The following ACOT2 variants were observed in gnomAD, a reference collection of about 807,000 sequenced individuals.
ACOT2 encodes the protein acyl-CoA thioesterase 2, also known as acyl-coenzyme A thioesterase 2, mitochondrial.
In ACOT2, 15 loss-of-function variants were observed where a neutral mutation model predicts 20.1. That is an observed-to-expected ratio of 0.75 (90% CI 0.50 to 1.15). The LOEUF is 1.15. Among genes scored for constraint, ACOT2 ranks in the 50% most tolerant of loss-of-function variants. The probability of loss-of-function intolerance (pLI) is 0.00; values close to 1 mark genes in which losing one functional copy is unlikely to be tolerated. For missense variants in ACOT2, 479 were observed against 615.3 expected, an observed-to-expected ratio of 0.78 and a Z score of 2.34; for synonymous variants, 252 against 268.4, an observed-to-expected ratio of 0.94 and a Z score of 0.60.
At position 73,572,639 on chromosome 14, in the gene ACOT2, A is replaced by ATT. The variant is rs10565980; in HGVS notation, c.644-724_644-723dup. Among the ~76,000 whole-genome samples, 67 of 107,200 alleles carry ATT rather than the reference A, an allele frequency of 6.3e-4. 1 individual carries two copies. In the South Asian group the frequency reaches 7.8e-3, roughly 12 times the overall value. The allele number at this position is 107,200 out of a possible 152,430, so 70.3% of individuals were successfully genotyped here. On this transcript the variant is annotated intron_variant, in intron 1 of 2. Transcript: ENST00000238651. ...AAAGTGTTGCCTGTAAGGTGTTTGC[A>ATT]TTTTTTTTTTTTTTTTTTTTTTTTT...
At chr14:73,569,970 G>GT in intron 1 of ACOT2, 87 bp downstream of exon 1, 1 of 1,458,740 alleles carries the variant, frequency 6.9e-7, no homozygotes, top group South Asian at 1.4e-5. Context: ...TTATGTGTAT[G>GT]CCCCCCCGCC....
rs1195620178 is a variant in ACOT2 at position 73,574,985 on chromosome 14, G to A, written c.924G>A (p.Lys308=). The change falls in exon 3 of 3, where the codon AAG becomes AAA. Residue 308 remains lysine (K), a synonymous_variant. Transcript: ENST00000238651. ...ELCLSMASFL[K]GITAAVVING... ...GCCTTTCCATGGCCTCTTTCCTGAA[G>A]GGCATCACGGCTGCTGTCGTCATCA... 1.1e-5 allele frequency: 17 copies of A among 1,603,702 alleles called. No homozygotes were observed. In the East Asian group the frequency reaches 3.6e-4, roughly 34 times the overall value.
At position 73,573,530 on chromosome 14, in the gene ACOT2, G is replaced by A; in HGVS notation, c.786G>A (p.Met262Ile). ...YYNYEDLPKTMETLHLEYFEE... is the reference protein window; with the variant it reads ...YYNYEDLPKTIETLHLEYFEE... ...ACTATGAAGACCTCCCCAAGACCAT[G>A]GAGACGCTCCATCTGGAGTACTTTG... Residue 262 changes from methionine to isoleucine, a missense_variant, in exon 2 of 3, where the codon ATG becomes ATA. Met to Ile is a conservative substitution (Grantham distance 10). Transcript: ENST00000238651. 6.2e-7 allele frequency: 1 copy of A among 1,613,686 alleles called. No individual in the cohort carries two copies. The highest frequency in any genetic ancestry group is 8.5e-7 in the Non-Finnish European group (1 of 1,179,692).
At position 73,569,354 on chromosome 14, in the gene ACOT2, G is replaced by A. The variant is rs1889661140; in HGVS notation, c.114G>A (p.Leu38=). ...CGTCCCGGCTGTACCAATGGAGCCT[G>A]AAGAGTTCGGCGCAGTTCCTGGGGT... is the stretch of plus-strand genomic sequence containing the variant. ...LRASRLYQWS[L]KSSAQFLGSP... is the part of the protein sequence containing the mutation. Residue 38 remains leucine, a synonymous_variant, in exon 1 of 3, where the codon CTG becomes CTA. Coordinates refer to ENST00000238651, the MANE Select transcript of ACOT2 (RefSeq NM_006821.6). 1 of 1,613,876 alleles carries A rather than the reference G, an allele frequency of 6.2e-7. No individual in the cohort carries two copies. The highest frequency in any genetic ancestry group is 1.3e-5 in the African/African-American group (1 of 74,940).
Position 73,569,482 on chromosome 14 carries a change from T to C in ACOT2, c.242T>C (p.Val81Ala), listed in dbSNP as rs1166814140. The change falls in exon 1 of 3, where the codon GTG (valine) becomes GCG (alanine). Residue 81 changes from valine to alanine, a missense_variant. Transcript: ENST00000238651. ...GGCCGCTGCTGCTGGGACGAACCGG[T>C]GCGAATCGCCGTGCGCGGCCTAGCC... is the stretch of plus-strand genomic sequence containing the variant. Reference protein sequence around the residue: ...PAGRCCWDEPVRIAVRGLAPE... With the variant: ...PAGRCCWDEPARIAVRGLAPE... The C allele has an allele frequency of 1.9e-6, 3 of 1,612,650 alleles. No individual in the cohort carries two copies. The highest frequency in any genetic ancestry group is 2.5e-6 in the Non-Finnish European group (3 of 1,179,596).
upstream of ACOT2, among the ~76,000 whole-genome samples, chr14:73,568,736 C>A (rs1011677954): frequency 2.0e-5 from 3 of 151,896 alleles, no homozygotes; most frequent in African/African-American, 7.2e-5. Flanking sequence ...TACCTATTAC[C>A]CCATTTGGCT....
chr14:73,570,214 T>C (rs940210011), intron 1 of ACOT2, among the ~76,000 whole-genome samples: 4 of 151,582 alleles, frequency 2.6e-5, no homozygotes, highest in African/African-American at 9.7e-5. Flanking sequence ...GGAAAGCTGA[T>C]TGGGGAAGTG....
At chr14:73,571,998 C>T (rs1889761649) in intron 1 of ACOT2, among the ~76,000 whole-genome samples, 4 of 151,006 alleles carry the variant, frequency 2.6e-5, no homozygotes, top group Admixed American at 2.0e-4. Flanking sequence ...TCAGAAGTGG[C>T]CCACTTTTAG....
intron 1 of ACOT2, among the ~76,000 whole-genome samples, chr14:73,572,130 T>G (rs925301728): frequency 1.7e-5 from 2 of 116,820 alleles, no homozygotes; most frequent in African/African-American, 3.7e-5. Context: ...AAATATGTTA[T>G]TCTACTTGTA....
At chr14:73,568,514 G>A (rs191206858), upstream of ACOT2, among the ~76,000 whole-genome samples, 257 of 151,966 alleles carry the variant, frequency 1.7e-3, no homozygotes, top group African/African-American at 5.8e-3. Flanking sequence ...GTGCAGTGAT[G>A]GTAAACTGCC....
intron 1 of ACOT2, among the ~76,000 whole-genome samples, chr14:73,570,450 T>C (rs1889703903): frequency 6.6e-6 from 1 of 151,858 alleles, no homozygotes. Flanking sequence ...GCGCCTGTAG[T>C]CCCAGCTACT....
At chr14:73,570,047 G>A (rs1299096326) in intron 1 of ACOT2, among the ~76,000 whole-genome samples, 164 bp downstream of exon 1, 7 of 150,762 alleles carry the variant, frequency 4.6e-5, no homozygotes, top group African/African-American at 1.7e-4. Context: ...TCCCGCCTCT[G>A]CCTCCCTAAG....
At chr14:73,573,325 C>T (rs1412618965) in intron 1 of ACOT2, 63 bp from the exon 2 acceptor site, 1 of 1,609,446 alleles carries the variant, frequency 6.2e-7, no homozygotes, top group Non-Finnish European at 8.5e-7. Flanking sequence ...ATATGTTTAA[C>T]TTAAACCATC....
At chr14:73,568,960 C>T, upstream of ACOT2, 1 of 496,992 alleles carries the variant, frequency 2.0e-6, no homozygotes, top group Non-Finnish European at 3.6e-6. Context: ...CTGCATTCCT[C>T]TTCGCCATCA....
chr14:73,569,997 T>G (rs997613245), intron 1 of ACOT2, 114 bp downstream of exon 1: 2 of 1,427,346 alleles, frequency 1.4e-6, no homozygotes, highest in African/African-American at 2.9e-5. Flanking sequence ...CCGGGCTATA[T>G]TGCCCAGGCA....
At chr14:73,571,534 C>G (rs750370629) in intron 1 of ACOT2, 1 of 151,966 alleles carries the variant, frequency 6.6e-6, no homozygotes, top group African/African-American at 2.4e-5. Context: ...CCACCAGGTC[C>G]GGCAGCAGGG....
At position 73,575,385 on chromosome 14, in the gene ACOT2, A is replaced by G; in HGVS notation, c.1324A>G (p.Ser442Gly). Residue 442 changes from serine to glycine, a missense_variant, in exon 3 of 3, where the codon AGT becomes GGT. Physicochemically the swap from Ser to Gly is moderately conservative, Grantham distance 56 (BLOSUM62 0). Around this residue, in one of 4 missense-constraint regions of ACOT2, gnomAD observed 40 missense variants for 93.4 expected, o/e 0.43. Coordinates refer to ENST00000238651, the MANE Select transcript of ACOT2 (RefSeq NM_006821.6). The part of the protein sequence containing the change: ...CRASLHALVG[S>G]PIIWGGEPRA... ...GGCTTCCCTGCATGCCTTGGTGGGC[A>G]GTCCTATTATCTGGGGAGGGGAGCC... The G allele has an allele frequency of 8.2e-7, 1 of 1,221,906 alleles. No homozygotes were observed. The highest frequency in any genetic ancestry group is 1.1e-6 in the Non-Finnish European group (1 of 897,566). 75.7% of individuals were successfully genotyped at this position (1,221,906 alleles called of 1,614,324 possible). A position where few individuals can be genotyped will look rare whatever the true frequency, so the allele number is the denominator to read the frequency against.
chr14:73,571,329 C>T, intron 1 of ACOT2: 1 of 163,926 alleles, frequency 6.1e-6, no homozygotes, highest in East Asian at 1.8e-4. Flanking sequence ...GGATAATTCA[C>T]TCCACAAGCT....
chr14:73,569,971 C>CA, intron 1 of ACOT2, 88 bp downstream of exon 1: 1 of 1,395,386 alleles, frequency 7.2e-7, no homozygotes, highest in Non-Finnish European at 9.3e-7. Flanking sequence ...TATGTGTATG[C>CA]CCCCCCGCCG....
Sources: allele counts gnomAD v4.1 joint callset (sites outside exome capture counted in the v4.1 genomes callset), GRCh38; gene constraint gnomAD v4.1.1; regional missense constraint gnomAD v4.1.1; transcripts MANE v1.5; gene names NCBI Gene and HGNC (gene_info 2026-07-23, HGNC 2026-07-21).